The following CAPZB variants were observed in gnomAD, a reference collection of about 807,000 sequenced individuals.
The protein encoded by CAPZB is capping actin protein of muscle Z-line subunit beta.
Under a neutral mutation model 38.1 loss-of-function variants are expected in CAPZB, and 2 were observed. The observed-to-expected ratio is 0.05, with a 90% CI of 0.02 to 0.17. CAPZB has a LOEUF of 0.17. Among genes scored for constraint, CAPZB ranks in the 10% least tolerant of loss-of-function variants. The pLI, the probability that CAPZB is intolerant of heterozygous loss-of-function variation, is 1.00. For missense variants in CAPZB, 161 were observed against 334.2 expected (o/e 0.48, Z 4.04); for synonymous variants, 107 against 127.4 (o/e 0.84, Z 1.08).
At chr1:19,450,875 C>T (rs1014880719) in intron 1 of CAPZB, among the ~76,000 whole-genome samples, 1 of 152,276 alleles carries the variant, frequency 6.6e-6, no homozygotes, top group Admixed American at 6.5e-5. Context: ...CAGGAGCCCA[C>T]AAAAGGTTAT....
At chr1:19,353,078 C>A (rs2094000641) in intron 6 of CAPZB, among the ~76,000 whole-genome samples, 1 of 152,220 alleles carries the variant, frequency 6.6e-6, no homozygotes, top group Admixed American at 6.5e-5. Flanking sequence ...GCGCCCGGGG[C>A]CACACACAGG....
intron 4 of CAPZB, among the ~76,000 whole-genome samples, chr1:19,369,002 C>T (rs1387878768): frequency 6.6e-6 from 1 of 152,196 alleles, no homozygotes; most frequent in Non-Finnish European, 1.5e-5. Flanking sequence ...ACGGCCCAAA[C>T]CAAAGAGTGA....
intron 3 of CAPZB, among the ~76,000 whole-genome samples, chr1:19,385,205 C>G (rs2094197301): frequency 6.6e-6 from 1 of 152,150 alleles, no homozygotes; most frequent in Non-Finnish European, 1.5e-5. Flanking sequence ...TGAACAACAT[C>G]CCTCTCCCGT....
At position 19,472,389 on chromosome 1, in the gene CAPZB, T is replaced by C. The variant is rs550497580; in HGVS notation, c.3+13047A>G. ...GCATGAACTAATAACCTGTCGGTTA[T>C]GTAGGCAGGCAGCAGACTGTGGCCT... On this transcript the variant is annotated intron_variant, in intron 1 of 8. Coordinates refer to ENST00000264202, the MANE Select transcript of CAPZB (RefSeq NM_004930.5). Among the ~76,000 whole-genome samples, 129 of 152,320 alleles carry C rather than the reference T, an allele frequency of 8.5e-4. 1 individual carries two copies. The highest frequency in any genetic ancestry group is 3.0e-3 in the African/African-American group (124 of 41,550).
intron 1 of CAPZB, among the ~76,000 whole-genome samples, chr1:19,476,549 T>C (rs10917457): frequency 0.87 from 131,806 of 152,214 alleles, 59,324 homozygotes; most frequent in East Asian, 1. Context: ...TGTCACCCAA[T>C]AGTCCCCATG....
At chr1:19,460,451 TATTTTTA>T (rs1362870274) in intron 1 of CAPZB, among the ~76,000 whole-genome samples, 1 of 152,100 alleles carries the variant, frequency 6.6e-6, no homozygotes, top group East Asian at 1.9e-4. Flanking sequence ...TAATTTTTTG[TATTTTTA>T]GTAGAGACAG....
intron 1 of CAPZB, 26 bp downstream of exon 1, chr1:19,485,410 C>G: frequency 8.1e-7 from 1 of 1,227,880 alleles, no homozygotes; most frequent in Non-Finnish European, 1.0e-6. Flanking sequence ...GCCCCCGGGC[C>G]GGGGAGGGGG....
intron 1 of CAPZB, among the ~76,000 whole-genome samples, chr1:19,460,205 T>C (rs1340465693): frequency 6.6e-6 from 1 of 152,248 alleles, no homozygotes; most frequent in Non-Finnish European, 1.5e-5. Context: ...CCACAGTGTG[T>C]AGTAAGTGCT....
intron 2 of CAPZB, among the ~76,000 whole-genome samples, chr1:19,386,767 C>G (rs891807000): frequency 2.0e-5 from 3 of 152,224 alleles, no homozygotes; most frequent in Admixed American, 6.5e-5. Context: ...CCCAGCACAA[C>G]TAAAGGACTG....
chr1:19,421,312 T>C (rs1182043143), intron 1 of CAPZB, among the ~76,000 whole-genome samples: 1 of 152,210 alleles, frequency 6.6e-6, no homozygotes, highest in African/African-American at 2.4e-5. Context: ...ACCAGAGACA[T>C]AACACATTAT....
chr1:19,362,986 T>C (rs1178190768), intron 4 of CAPZB, among the ~76,000 whole-genome samples: 1 of 152,204 alleles, frequency 6.6e-6, no homozygotes, highest in Non-Finnish European at 1.5e-5. Flanking sequence ...GTCACCTGTT[T>C]GCTTGCGTCC....
At chr1:19,470,255 A>T (rs1010703034) in intron 1 of CAPZB, among the ~76,000 whole-genome samples, 1 of 152,124 alleles carries the variant, frequency 6.6e-6, no homozygotes, top group Non-Finnish European at 1.5e-5. Flanking sequence ...CATTGCATAG[A>T]TGTGCCACCA....
chr1:19,386,165 G>A (rs967303557), intron 2 of CAPZB, among the ~76,000 whole-genome samples: 5 of 152,146 alleles, frequency 3.3e-5, no homozygotes, highest in Non-Finnish European at 7.3e-5. Context: ...GCTTCACCCC[G>A]GCTCCCCCAC....
intron 1 of CAPZB, among the ~76,000 whole-genome samples, chr1:19,448,472 C>G (rs1362916701): frequency 6.6e-6 from 1 of 152,246 alleles, no homozygotes; most frequent in Non-Finnish European, 1.5e-5. Context: ...GGTAAAAACT[C>G]ACAAGCTGTT....
At chr1:19,439,190 T>C (rs1015594751) in intron 1 of CAPZB, among the ~76,000 whole-genome samples, 2 of 152,070 alleles carry the variant, frequency 1.3e-5, no homozygotes, top group Non-Finnish European at 2.9e-5. Flanking sequence ...TTGGAAGTTA[T>C]CCCCAAAACT....
At chr1:19,404,679 C>A (rs944834813) in intron 2 of CAPZB, among the ~76,000 whole-genome samples, 7 of 152,094 alleles carry the variant, frequency 4.6e-5, no homozygotes, top group African/African-American at 1.7e-4. Flanking sequence ...AGCATTCACC[C>A]ACCTATCTGG....
chr1:19,366,487 G>A (rs1293406052), intron 4 of CAPZB, among the ~76,000 whole-genome samples: 3 of 151,040 alleles, frequency 2.0e-5, no homozygotes, highest in South Asian at 2.1e-4. Flanking sequence ...TCAGGAGTTC[G>A]AAACCAGCCT....
intron 1 of CAPZB, among the ~76,000 whole-genome samples, chr1:19,424,139 G>A (rs545467751): frequency 7.9e-4 from 120 of 152,104 alleles, no homozygotes; most frequent in African/African-American, 2.8e-3. Flanking sequence ...TTAGACACGT[G>A]TTTTAGACTA....
intron 2 of CAPZB, among the ~76,000 whole-genome samples, chr1:19,386,203 C>T (rs569437204): frequency 2.1e-4 from 32 of 152,342 alleles, no homozygotes; most frequent in Non-Finnish European, 4.3e-4. Flanking sequence ...GGCTCACCTC[C>T]GGCTGGCCTG....
Sources: allele counts gnomAD v4.1 joint callset (sites outside exome capture counted in the v4.1 genomes callset), GRCh38; gene constraint gnomAD v4.1.1; transcripts MANE v1.5; gene names NCBI Gene and HGNC (gene_info 2026-07-23, HGNC 2026-07-21).